Variants in ROR2 observed in about 807,000 individuals in gnomAD.
ROR2 encodes the protein ROR family WNT receptor 2, also known as tyrosine-protein kinase transmembrane receptor ROR2.
In ROR2, 33 loss-of-function variants were observed where a neutral mutation model predicts 74.9. The ratio of observed to expected loss-of-function variants is 0.44; its 90% confidence interval spans 0.33 to 0.59. The LOEUF (loss-of-function observed/expected upper bound fraction) is 0.59. Ranked by LOEUF, ROR2 falls within the 20% of genes least tolerant of loss-of-function variation. The pLI is 0.02. For missense variants in ROR2, 1,216 were observed against 1,313.8 expected (o/e 0.93, Z 1.15); for synonymous variants, 586 against 558.7 (o/e 1.05, Z -0.69).
intron 1 of ROR2, among the ~76,000 whole-genome samples, chr9:91,918,635 C>A (rs1345114695): frequency 6.6e-6 from 1 of 152,170 alleles, no homozygotes; most frequent in African/African-American, 2.4e-5. Context: ...TTCTGCAATT[C>A]CATAGTAGTG....
chr9:91,779,669 G>A (rs554314566), intron 1 of ROR2, among the ~76,000 whole-genome samples: 7 of 152,116 alleles, frequency 4.6e-5, no homozygotes, highest in East Asian at 1.9e-4. Flanking sequence ...CCGTGCCACC[G>A]TGCCTGGCCA....
chr9:91,826,197 A>C (rs985448216), intron 1 of ROR2, among the ~76,000 whole-genome samples: 1 of 152,190 alleles, frequency 6.6e-6, no homozygotes, highest in African/African-American at 2.4e-5. Context: ...GAATGGGGGA[A>C]ATGAGCCCTT....
chr9:91,939,734 G>A (rs1293579186), intron 1 of ROR2, among the ~76,000 whole-genome samples: 1 of 152,124 alleles, frequency 6.6e-6, no homozygotes, highest in African/African-American at 2.4e-5. Context: ...TAAACACACG[G>A]AAGTGAAAGT....
intron 7 of ROR2, among the ~76,000 whole-genome samples, chr9:91,729,211 C>A (rs1837152702): frequency 6.6e-6 from 1 of 152,096 alleles, no homozygotes; most frequent in Admixed American, 6.5e-5. Flanking sequence ...TGTGCTCACA[C>A]ACAAACTCCC....
chr9:91,816,306 C>T (rs1827932045), intron 1 of ROR2, among the ~76,000 whole-genome samples: 1 of 152,158 alleles, frequency 6.6e-6, no homozygotes, highest in Admixed American at 6.5e-5. Flanking sequence ...GATCACATCT[C>T]CTCCTTGCTG....
At chr9:91,825,757 G>A (rs528139861) in intron 1 of ROR2, among the ~76,000 whole-genome samples, 13 of 152,124 alleles carry the variant, frequency 8.5e-5, no homozygotes, top group Non-Finnish European at 1.2e-4. Context: ...GAAAAAAAGT[G>A]GGGGAGGGTA....
At chr9:91,852,835 C>T (rs565165189) in intron 1 of ROR2, among the ~76,000 whole-genome samples, 16 of 152,224 alleles carry the variant, frequency 1.1e-4, no homozygotes, top group Non-Finnish European at 2.1e-4. Context: ...CTTCTTTCTC[C>T]TCTGAAGAGA....
At chr9:91,764,415 G>T (rs1826000300) in intron 2 of ROR2, among the ~76,000 whole-genome samples, 1 of 151,376 alleles carries the variant, frequency 6.6e-6, no homozygotes. Context: ...ATCTTCTATT[G>T]GATTTTTAAA....
At chr9:91,761,790 G>T (rs1035744132) in intron 2 of ROR2, among the ~76,000 whole-genome samples, 10 of 152,112 alleles carry the variant, frequency 6.6e-5, no homozygotes, top group Admixed American at 2.0e-4. Flanking sequence ...AAGTATCAAA[G>T]AATTGAAACT....
intron 1 of ROR2, among the ~76,000 whole-genome samples, chr9:91,876,529 C>G (rs1829960449): frequency 6.6e-6 from 1 of 152,080 alleles, no homozygotes. Flanking sequence ...TTGCTTGAAC[C>G]AAGAATTAAC....
intron 1 of ROR2, among the ~76,000 whole-genome samples, chr9:91,915,661 G>A (rs1831110658): frequency 1.3e-5 from 2 of 151,614 alleles, no homozygotes; most frequent in Non-Finnish European, 2.9e-5. Context: ...GGGGCGGGGG[G>A]AGGTGGCCAG....
Position 91,949,302 on chromosome 9 carries a change from G to A in ROR2, c.97+565C>T, listed in dbSNP as rs1199626085. Among the ~76,000 whole-genome samples the A allele has an allele frequency of 2.6e-5, 4 of 151,914 alleles. No homozygotes were observed. The East Asian group carries it at 5.9e-4, about 22-fold the overall frequency. On this transcript the variant is annotated intron_variant, in intron 1 of 8. Coordinates refer to ENST00000375708, the MANE Select transcript of ROR2 (RefSeq NM_004560.4). ...CCCGTTTCCATCAAGCGGCCCGCGG[G>A]CTGGGAAAGTCAGGACCCGGGAGCC...
intron 1 of ROR2, among the ~76,000 whole-genome samples, chr9:91,798,586 G>A (rs1330527843): frequency 1.4e-5 from 2 of 144,352 alleles, no homozygotes; most frequent in African/African-American, 2.6e-5. Context: ...GCTAGTGAGT[G>A]GAGCTGACAC....
At chr9:91,755,165 A>G (rs958864928) in intron 4 of ROR2, among the ~76,000 whole-genome samples, 3 of 119,210 alleles carry the variant, frequency 2.5e-5, no homozygotes, top group Non-Finnish European at 6.0e-5. Flanking sequence ...TGGGGGGGGA[A>G]AAAAATCTGC....
chr9:91,792,159 ACTTTACAC>A (rs995875510), intron 1 of ROR2, among the ~76,000 whole-genome samples: 24 of 152,306 alleles, frequency 1.6e-4, no homozygotes, highest in Admixed American at 3.9e-4. Flanking sequence ...CAACAGCCTA[ACTTTACAC>A]CTTAAGGAAT....
chr9:91,836,862 CA>C (rs1378618616), intron 1 of ROR2, among the ~76,000 whole-genome samples: 4 of 152,256 alleles, frequency 2.6e-5, no homozygotes, highest in African/African-American at 9.6e-5. Context: ...AGGAACCCCT[CA>C]AATCACACAA....
At chr9:91,779,737 A>C (rs10992097) in intron 1 of ROR2, among the ~76,000 whole-genome samples, 35,652 of 152,030 alleles carry the variant, frequency 0.23, 4,353 homozygotes, top group Middle Eastern at 0.35. Flanking sequence ...CCAAGTATGC[A>C]CCCTAACCCT....
intron 2 of ROR2, among the ~76,000 whole-genome samples, chr9:91,773,885 C>T (rs574322125): frequency 1.3e-5 from 2 of 152,260 alleles, no homozygotes; most frequent in South Asian, 4.1e-4. Flanking sequence ...TCTACCCTCC[C>T]AAAACCTGAT....
intron 4 of ROR2, among the ~76,000 whole-genome samples, chr9:91,744,625 A>T (rs1459542282): frequency 6.6e-6 from 1 of 152,200 alleles, no homozygotes; most frequent in Non-Finnish European, 1.5e-5. Context: ...ATCTGACTGT[A>T]CTGATAACAG....
Sources: allele counts gnomAD v4.1 joint callset (sites outside exome capture counted in the v4.1 genomes callset), GRCh38; gene constraint gnomAD v4.1.1; transcripts MANE v1.5; gene names NCBI Gene and HGNC (gene_info 2026-07-23, HGNC 2026-07-21).